Variants in CEPT1 observed in about 807,000 individuals in gnomAD.
CEPT1 encodes choline/ethanolamine phosphotransferase 1, also known as choline/ethanolaminephosphotransferase 1.
Under a neutral mutation model 42.6 loss-of-function variants are expected in CEPT1, and 7 were observed. That is an observed-to-expected ratio of 0.16 (90% CI 0.09 to 0.31). The LOEUF (loss-of-function observed/expected upper bound fraction) is 0.31, where lower values mean the gene tolerates loss of function less well. Among genes scored for constraint, CEPT1 ranks in the 10% least tolerant of loss-of-function variants. CEPT1 has a pLI of 1.00. For synonymous variants in CEPT1, 171 were observed against 171.9 expected (o/e 0.99, Z 0.04); for missense variants, 306 against 502.1 (o/e 0.61, Z 3.73).
intron 4 of CEPT1, among the ~76,000 whole-genome samples, chr1:111,174,512 A>G (rs761621343): frequency 1.3e-5 from 2 of 151,996 alleles, no homozygotes; most frequent in Admixed American, 6.6e-5. Context: ...TCAAGATTTC[A>G]TATTTTATAA....
intron 8 of CEPT1, 61 bp downstream of exon 8, chr1:111,183,648 A>C (rs1045538862): frequency 6.7e-7 from 1 of 1,494,664 alleles, no homozygotes; most frequent in Non-Finnish European, 9.2e-7. Context: ...TTGTTTTCTT[A>C]TTTTGATGAC....
chr1:111,169,715 A>G (rs1656327596), intron 4 of CEPT1, among the ~76,000 whole-genome samples: 1 of 152,226 alleles, frequency 6.6e-6, no homozygotes, highest in Admixed American at 6.5e-5. Context: ...AAGTTTCGAA[A>G]AAAACTTCAG....
intron 5 of CEPT1, chr1:111,180,577 A>C (rs1486196116): frequency 6.6e-6 from 1 of 152,204 alleles, no homozygotes; most frequent in Non-Finnish European, 1.5e-5. Flanking sequence ...TAATTTTAGA[A>C]CTAGGTTGAC....
At chr1:111,171,642 G>T (rs969169065) in intron 4 of CEPT1, among the ~76,000 whole-genome samples, 9 of 152,210 alleles carry the variant, frequency 5.9e-5, no homozygotes, top group Admixed American at 4.6e-4. Context: ...AGTGTATCCT[G>T]ATGAGAATAT....
chr1:111,183,725 C>A, intron 8 of CEPT1, 138 bp downstream of exon 8: 1 of 929,604 alleles, frequency 1.1e-6, no homozygotes, highest in Non-Finnish European at 1.6e-6. Context: ...ATAAATGGGG[C>A]TGTGTGAGAG....
chr1:111,183,539 G>C lies in CEPT1; in HGVS notation c.1083G>C (p.Gln361His). ...GTCCGGCACTTTTGTTTCTGGACCAGTATTTTAACAGCTTTATTGATGAAT... is the reference window on the plus strand; with the variant it reads ...GTCCGGCACTTTTGTTTCTGGACCACTATTTTAACAGCTTTATTGATGAAT... ...FIGPALLFLD[Q>H]YFNSFIDEYI... Residue 361 changes from glutamine (Q) to histidine (H), a missense_variant, in exon 8 of 9, where the codon CAG becomes CAC. Gln to His is a conservative substitution (Grantham distance 24, BLOSUM62 0). Transcript: ENST00000357172. The C allele has an allele frequency of 6.2e-7, 1 of 1,613,130 alleles. No individual in the cohort carries two copies. The highest frequency in any genetic ancestry group is 8.5e-7 in the Non-Finnish European group (1 of 1,179,142).
chr1:111,161,660 G>C (rs1655882905), intron 4 of CEPT1, among the ~76,000 whole-genome samples: 1 of 152,130 alleles, frequency 6.6e-6, no homozygotes, highest in Non-Finnish European at 1.5e-5. Flanking sequence ...GATGGTTTCT[G>C]AGAGCAGCGC....
chr1:111,167,313 A>G, intron 4 of CEPT1: 1 of 973,348 alleles, frequency 1.0e-6, no homozygotes, highest in Non-Finnish European at 1.2e-6. Flanking sequence ...TTGGTATGTC[A>G]CAAACAGGTT....
rs758133620 is a variant in CEPT1 at position 111,182,972 on chromosome 1, T to C, written c.1005+15T>C. 8 of 1,603,184 alleles carry C rather than the reference T, an allele frequency of 5.0e-6. No homozygotes were observed. Among genetic ancestry groups the C allele is most frequent in the South Asian group, 1.1e-5 (1 of 89,354 alleles). The stretch of plus-strand genomic sequence containing the variant: ...ATAAGCTTGTGGTAAGCACCTGAGT[T>C]TTTATTTGCTGTGTTTTTCACTTTC... On this transcript the variant is annotated intron_variant, in intron 7 of 8. Coordinates refer to ENST00000357172, the MANE Select transcript of CEPT1 (RefSeq NM_006090.5).
chr1:111,159,384 C>T lies in CEPT1; in HGVS notation c.344C>T (p.Pro115Leu). The change falls in exon 3 of 9, where the codon CCT becomes CTT. Residue 115 changes from proline to leucine, a missense_variant. Coordinates refer to ENST00000357172, the MANE Select transcript of CEPT1 (RefSeq NM_006090.5). ...FYCPTATEQAPLWAYIACACG... is the reference protein window; with the variant it reads ...FYCPTATEQALLWAYIACACG... The stretch of plus-strand genomic sequence containing the variant: ...CTTTCTTATTTTATTTCACAGGCAC[C>T]TCTGTGGGCATATATTGCTTGTGCC... 1 of 1,609,678 alleles carries T rather than the reference C, an allele frequency of 6.2e-7. No homozygotes were observed. The highest frequency in any genetic ancestry group is 1.7e-5 in the Admixed American group (1 of 58,870).
At chr1:111,166,901 T>A (rs1338779390) in intron 4 of CEPT1, among the ~76,000 whole-genome samples, 1 of 152,232 alleles carries the variant, frequency 6.6e-6, no homozygotes, top group African/African-American at 2.4e-5. Flanking sequence ...TTAATTTTTT[T>A]AACTTCTATC....
chr1:111,172,158 C>T (rs13375151), intron 4 of CEPT1, among the ~76,000 whole-genome samples: 1 of 152,140 alleles, frequency 6.6e-6, no homozygotes, highest in African/African-American at 2.4e-5. Flanking sequence ...AAATCTAATG[C>T]GACACATAAG....
chr1:111,161,416 T>A, intron 4 of CEPT1, 120 bp downstream of exon 4: 2 of 940,102 alleles, frequency 2.1e-6, no homozygotes, highest in Non-Finnish European at 3.1e-6. Context: ...AATTAAAAAA[T>A]TTATGCTTCA....
At chr1:111,159,290 C>T (rs1168278929) in intron 2 of CEPT1, 90 bp from the exon 3 acceptor site, 14 of 1,248,736 alleles carry the variant, frequency 1.1e-5, no homozygotes, top group Non-Finnish European at 1.6e-5. Context: ...TAGCTTCCAA[C>T]TAGCTTTCCA....
At chr1:111,142,316 C>A (rs1392990979) in intron 1 of CEPT1, among the ~76,000 whole-genome samples, 1 of 152,168 alleles carries the variant, frequency 6.6e-6, no homozygotes, top group Admixed American at 6.5e-5. Context: ...TCTGGACTTA[C>A]AAAACAGTTT....
At chr1:111,141,746 A>G (rs555534538) in intron 1 of CEPT1, among the ~76,000 whole-genome samples, 3 of 152,116 alleles carry the variant, frequency 2.0e-5, no homozygotes, top group Middle Eastern at 3.4e-3. Context: ...GTTTTTGTAA[A>G]CTTGCTCTAT....
intron 4 of CEPT1, among the ~76,000 whole-genome samples, chr1:111,166,931 T>C (rs1247189052): frequency 5.9e-5 from 9 of 152,300 alleles, no homozygotes; most frequent in African/African-American, 1.9e-4. Flanking sequence ...ATAAGAACTA[T>C]GTATGTATGT....
intron 4 of CEPT1, among the ~76,000 whole-genome samples, chr1:111,164,768 G>T (rs1312783258): frequency 6.6e-6 from 1 of 151,416 alleles, no homozygotes; most frequent in Non-Finnish European, 1.5e-5. Context: ...CTACAGGTGC[G>T]TGCTGCCACC....
At chr1:111,165,781 A>G (rs1347701135) in intron 4 of CEPT1, among the ~76,000 whole-genome samples, 1 of 152,194 alleles carries the variant, frequency 6.6e-6, no homozygotes, top group African/African-American at 2.4e-5. Context: ...GTTTATTTCT[A>G]TGTAAGTAAG....
Sources: gnomAD v4.1 joint callset for allele counts (sites outside exome capture counted in the v4.1 genomes callset) on GRCh38, gnomAD v4.1.1 for gene constraint, MANE v1.5 for transcripts, NCBI Gene and HGNC (gene_info 2026-07-23, HGNC 2026-07-21) for gene names.